Variants in SLC14A2 observed in about 807,000 individuals in gnomAD.
SLC14A2 encodes urea transporter 2.
Under a neutral mutation model 104.6 loss-of-function variants are expected in SLC14A2, and 91 were observed. The observed-to-expected ratio is 0.87, with a 90% CI of 0.73 to 1.04. SLC14A2 has a LOEUF of 1.04. Ranked by LOEUF, SLC14A2 falls within the 50% of genes least tolerant of loss-of-function variation. The pLI is 0.00. For synonymous variants in SLC14A2, 476 were observed against 466.4 expected (o/e 1.02, Z -0.27); for missense variants, 1,189 against 1,156.0 (o/e 1.03, Z -0.41).
chr18:45,441,589 T>A (rs1386868279), intron 1 of SLC14A2, among the ~76,000 whole-genome samples: 1 of 152,192 alleles, frequency 6.6e-6, no homozygotes, highest in African/African-American at 2.4e-5. Context: ...CAAGTTCAAC[T>A]TTTCTCTGTG....
chr18:45,427,271 A>T lies in SLC14A2; in HGVS notation c.-124-55962A>T, dbSNP rs1011728962. Reference sequence around the variant, plus strand: ...GTAGGGTTAGAAAAGAAAGGGAAAAAAAAAAGGACTCTCCTGGAAATCAGG... The same window carrying T: ...GTAGGGTTAGAAAAGAAAGGGAAAATAAAAAGGACTCTCCTGGAAATCAGG... On this transcript the variant is annotated intron_variant, in intron 1 of 20. Transcript: ENST00000586448. Among the ~76,000 whole-genome samples, 2 of 151,770 alleles carry T rather than the reference A, an allele frequency of 1.3e-5. 1 individual carries two copies.
rs564475962 is a variant in SLC14A2 at position 45,624,821 on chromosome 18, A to G, written c.150+7A>G. 6.2e-7 allele frequency: 1 copy of G among 1,609,348 alleles called. No individual in the cohort carries two copies. The highest frequency in any genetic ancestry group is 1.3e-5 in the African/African-American group (1 of 74,920). ...GGAAATGCCTGAAGAAAAGGTGAGA[A>G]GTGTCCCTCCTAGGATGTTTCCTGG... On this transcript the variant is annotated splice_region_variant and intron_variant, in intron 2 of 19. Transcript: ENST00000255226.
chr18:45,237,010 C>T (rs2084261538), intron 1 of SLC14A2, among the ~76,000 whole-genome samples: 1 of 152,110 alleles, frequency 6.6e-6, no homozygotes, highest in Admixed American at 6.5e-5. Flanking sequence ...TGAGTGTAAC[C>T]ACTGACAACT....
At chr18:45,365,242 C>A (rs1337051367) in intron 1 of SLC14A2, among the ~76,000 whole-genome samples, 1 of 152,202 alleles carries the variant, frequency 6.6e-6, no homozygotes, top group Admixed American at 6.5e-5. Flanking sequence ...CCAATTCTGC[C>A]TTTTTCTAGC....
chr18:45,518,497 C>T (rs1014477251), intron 2 of SLC14A2, among the ~76,000 whole-genome samples: 1 of 152,206 alleles, frequency 6.6e-6, no homozygotes, highest in Non-Finnish European at 1.5e-5. Flanking sequence ...ACCAAGTTCA[C>T]AGTCCAGAGG....
chr18:45,642,575 C>T (rs113912102), intron 8 of SLC14A2, among the ~76,000 whole-genome samples: 1,791 of 152,326 alleles, frequency 0.012, 45 homozygotes, highest in African/African-American at 0.04. Context: ...GCTACATGGA[C>T]GAGCTTTCCT....
At chr18:45,648,686 A>T (rs1410835494) in intron 10 of SLC14A2, among the ~76,000 whole-genome samples, 1 of 152,092 alleles carries the variant, frequency 6.6e-6, no homozygotes, top group African/African-American at 2.4e-5. Flanking sequence ...ATTTTTACCT[A>T]ATCTCAGTGT....
intron 19 of SLC14A2, 132 bp from the exon 20 acceptor site, chr18:45,682,187 G>T: frequency 2.6e-6 from 2 of 761,472 alleles, no homozygotes; most frequent in South Asian, 1.5e-5. Flanking sequence ...TATTTATATT[G>T]GTCATCAATG....
At chr18:45,545,516 A>G (rs1415486085) in intron 2 of SLC14A2, among the ~76,000 whole-genome samples, 1 of 152,238 alleles carries the variant, frequency 6.6e-6, no homozygotes, top group Non-Finnish European at 1.5e-5. Context: ...CAAACTGTGT[A>G]CCAAAGAACC....
intron 4 of SLC14A2, among the ~76,000 whole-genome samples, chr18:45,629,738 T>G (rs994560532): frequency 3.9e-5 from 6 of 152,132 alleles, no homozygotes; most frequent in African/African-American, 1.2e-4. Flanking sequence ...GACTGCAGTT[T>G]TACAAGGGGG....
intron 1 of SLC14A2, among the ~76,000 whole-genome samples, chr18:45,431,955 T>C (rs2086523367): frequency 6.6e-6 from 1 of 152,138 alleles, no homozygotes; most frequent in East Asian, 1.9e-4. Context: ...TGTTAGGTGA[T>C]TTGACAATGG....
the SLC14A2 span, chr18:45,181,395 C>A: frequency 2.0e-5 from 3 of 152,102 alleles, no homozygotes; most frequent in African/African-American, 2.4e-5. Flanking sequence ...GGCAGAGGTA[C>A]AAAGCCTCAG....
intron 2 of SLC14A2, among the ~76,000 whole-genome samples, chr18:45,533,730 C>T (rs2043737455): frequency 6.6e-6 from 1 of 152,026 alleles, no homozygotes; most frequent in Admixed American, 6.6e-5. Context: ...TTATTTCTTG[C>T]CTTCTGCTAG....
chr18:45,563,040 T>C (rs2044221817), intron 2 of SLC14A2, among the ~76,000 whole-genome samples: 1 of 152,178 alleles, frequency 6.6e-6, no homozygotes, highest in Non-Finnish European at 1.5e-5. Flanking sequence ...AATGAAAACA[T>C]TAAATTTTAT....
At chr18:45,364,950 A>G (rs1199014476) in intron 1 of SLC14A2, among the ~76,000 whole-genome samples, 1 of 152,216 alleles carries the variant, frequency 6.6e-6, no homozygotes, top group East Asian at 1.9e-4. Context: ...TATAAAGAGT[A>G]ACAGAACTGG....
chr18:45,377,669 G>T (rs2085789451), intron 1 of SLC14A2, among the ~76,000 whole-genome samples: 1 of 152,006 alleles, frequency 6.6e-6, no homozygotes, highest in African/African-American at 2.4e-5. Context: ...CTTTGGTTTG[G>T]CTGTTCTCTA....
At chr18:45,476,108 T>C (rs143482799) in intron 1 of SLC14A2, among the ~76,000 whole-genome samples, 2,345 of 152,306 alleles carry the variant, frequency 0.015, 16 homozygotes, top group Non-Finnish European at 0.024. Flanking sequence ...GTTTTTGCAG[T>C]GGCTGGTACC....
In SLC14A2 at chr18:45,679,042, C is replaced by A. The variant is rs1295499996; in HGVS notation, c.2562+18C>A. The A allele has an allele frequency of 6.2e-7, 1 of 1,610,404 alleles. No individual in the cohort carries two copies. The highest frequency in any genetic ancestry group is 1.1e-5 in the South Asian group (1 of 90,826). ...TATCTGTGGTGAGTCAACACAGGCT[C>A]AGAACGTGCCTACAACATCCTTCCT... On this transcript the variant is annotated intron_variant, in intron 19 of 19. Transcript: ENST00000255226.
intron 16 of SLC14A2, among the ~76,000 whole-genome samples, chr18:45,670,238 T>C (rs191354665): frequency 1.2e-4 from 19 of 152,350 alleles, no homozygotes; most frequent in Admixed American, 9.8e-4. Flanking sequence ...TGTTCTTTCA[T>C]TAAGAAACAT....
Sources: allele counts gnomAD v4.1 joint callset (sites outside exome capture counted in the v4.1 genomes callset), GRCh38; gene constraint gnomAD v4.1.1; transcripts MANE v1.5; gene names NCBI Gene and HGNC (gene_info 2026-07-23, HGNC 2026-07-21).